RBFOX1: variants seen among roughly 807,000 people sequenced by gnomAD.
RBFOX1 encodes the protein RNA binding protein fox-1 homolog 1.
A neutral mutation model predicts 57.7 loss-of-function variants in RBFOX1; 8 were observed. The ratio of observed to expected loss-of-function variants is 0.14; its 90% CI spans 0.08 to 0.25. RBFOX1 has a LOEUF of 0.25. Ranked by LOEUF, RBFOX1 falls within the 10% of genes least tolerant of loss-of-function variation. RBFOX1 has a pLI of 1.00. For missense variants in RBFOX1, 611 were observed against 548.5 expected, an observed-to-expected ratio of 1.11 and a Z score of -1.14; for synonymous variants, 326 against 222.4, an observed-to-expected ratio of 1.47 and a Z score of -4.15.
At chr16:6,823,483 C>G (rs1471073639) in intron 3 of RBFOX1, among the ~76,000 whole-genome samples, 2 of 152,046 alleles carry the variant, frequency 1.3e-5, no homozygotes, top group African/African-American at 2.4e-5. Flanking sequence ...TCTCAAACTA[C>G]TGGTCTCAGG....
At chr16:6,127,375 A>C (rs905120555) in intron 1 of RBFOX1, among the ~76,000 whole-genome samples, 2 of 151,918 alleles carry the variant, frequency 1.3e-5, no homozygotes, top group Admixed American at 1.3e-4. Flanking sequence ...TTTTTTTAAA[A>C]ATTGCTCTCT....
chr16:6,901,391 G>C (rs1156473176), intron 3 of RBFOX1, among the ~76,000 whole-genome samples: 1 of 152,108 alleles, frequency 6.6e-6, no homozygotes, highest in Non-Finnish European at 1.5e-5. Context: ...AAGTGAACAG[G>C]ACGTTCCTAC....
At chr16:5,805,706 G>A (rs181632215) in intron 3 of RBFOX1, among the ~76,000 whole-genome samples, 2 of 152,306 alleles carry the variant, frequency 1.3e-5, no homozygotes, top group Non-Finnish European at 2.9e-5. Context: ...TATAGGAAGG[G>A]TTGCCTGACA....
At chr16:6,861,789 T>C (rs2059045433) in intron 3 of RBFOX1, among the ~76,000 whole-genome samples, 2 of 148,104 alleles carry the variant, frequency 1.4e-5, no homozygotes, top group Admixed American at 1.4e-4. Context: ...TCCACGTTCA[T>C]ACACTCCCCC....
intron 2 of RBFOX1, among the ~76,000 whole-genome samples, chr16:6,614,265 C>G (rs898181505): frequency 2.0e-5 from 3 of 152,122 alleles, no homozygotes; most frequent in Admixed American, 2.0e-4. Flanking sequence ...CAATAATAAA[C>G]TAAAGATAGA....
rs534838207 is a variant in RBFOX1 at position 5,524,031 on chromosome 16, C to T, written c.258+56777C>T. 4.6e-5 allele frequency among the ~76,000 whole-genome samples: 7 copies of T among 152,328 alleles called. No homozygotes were observed. The East Asian group carries it at 1.2e-3, about 25-fold the overall frequency. ...CATTCAAAGCTAGATAATCCGCCAG[C>T]ACCTCATAAACTGTGCTGTTTGCAA... On this transcript the variant is annotated intron_variant, in intron 2 of 2. Transcript: ENST00000585867.
At chr16:5,268,632 C>G (rs760909321) in intron 1 of RBFOX1, among the ~76,000 whole-genome samples, 10 of 152,202 alleles carry the variant, frequency 6.6e-5, no homozygotes, top group Non-Finnish European at 1.3e-4. Flanking sequence ...GCACTGGGAG[C>G]CATGTGCACT....
chr16:7,147,190 A>ATG (rs2075174525), intron 4 of RBFOX1, among the ~76,000 whole-genome samples: 1 of 148,854 alleles, frequency 6.7e-6, no homozygotes, highest in South Asian at 2.2e-4. Flanking sequence ...GTTTTAGCAG[A>ATG]GACAGGGTTT....
intron 14 of RBFOX1, among the ~76,000 whole-genome samples, chr16:7,699,334 G>A (rs932873114): frequency 6.6e-6 from 1 of 152,120 alleles, no homozygotes; most frequent in Non-Finnish European, 1.5e-5. Context: ...TGGGAGTACA[G>A]GCAGGTGCTA....
intron 3 of RBFOX1, among the ~76,000 whole-genome samples, chr16:6,908,175 A>T (rs9939267): frequency 6.6e-6 from 1 of 151,468 alleles, no homozygotes; most frequent in African/African-American, 2.4e-5. Flanking sequence ...CTGCATCCCT[A>T]CATCCGTGCA....
At chr16:6,766,450 G>C (rs1284166069) in intron 3 of RBFOX1, among the ~76,000 whole-genome samples, 2 of 152,072 alleles carry the variant, frequency 1.3e-5, no homozygotes, top group African/African-American at 4.8e-5. Flanking sequence ...TTCTAGTACA[G>C]TCACATGCCC....
intron 4 of RBFOX1, among the ~76,000 whole-genome samples, chr16:5,944,988 AGAGAGAGAG>A (rs1255324083): frequency 3.3e-5 from 2 of 61,342 alleles, no homozygotes; most frequent in African/African-American, 7.5e-5. Flanking sequence ...AAAAAAAAAA[AGAGAGAGAG>A]AGAGAGAGAA....
intron 3 of RBFOX1, among the ~76,000 whole-genome samples, chr16:5,675,653 G>T (rs113377935): frequency 1.3e-5 from 2 of 152,180 alleles, no homozygotes; most frequent in African/African-American, 4.8e-5. Context: ...CGTGCAGCCC[G>T]TGTGGCTGCT....
At chr16:5,575,798 G>T (rs1056855136) in intron 2 of RBFOX1, among the ~76,000 whole-genome samples, 10 of 151,946 alleles carry the variant, frequency 6.6e-5, no homozygotes, top group African/African-American at 2.4e-4. Context: ...CTCTTCTTGG[G>T]CTGGAATGTG....
At chr16:5,457,002 A>C (rs2068650655) in intron 1 of RBFOX1, among the ~76,000 whole-genome samples, 1 of 152,210 alleles carries the variant, frequency 6.6e-6, no homozygotes, top group African/African-American at 2.4e-5. Context: ...TTTATTTCAC[A>C]CAGTTCTAAA....
chr16:5,480,139 T>G (rs1231710029), intron 2 of RBFOX1, among the ~76,000 whole-genome samples: 2 of 152,192 alleles, frequency 1.3e-5, no homozygotes, highest in Non-Finnish European at 2.9e-5. Flanking sequence ...TATCTCAGAT[T>G]CACAGAATGA....
intron 4 of RBFOX1, among the ~76,000 whole-genome samples, chr16:7,380,471 T>C (rs1386025307): frequency 1.3e-5 from 2 of 152,240 alleles, no homozygotes; most frequent in African/African-American, 4.8e-5. Flanking sequence ...TTGGCACATA[T>C]AAATTATGTA....
At chr16:5,953,459 A>G (rs2059560149) in intron 4 of RBFOX1, among the ~76,000 whole-genome samples, 2 of 151,922 alleles carry the variant, frequency 1.3e-5, no homozygotes, top group South Asian at 4.2e-4. Context: ...TGTACGCTGC[A>G]CCCAGTTTGT....
intron 3 of RBFOX1, among the ~76,000 whole-genome samples, chr16:6,914,733 G>C (rs1376535503): frequency 6.6e-6 from 1 of 152,070 alleles, no homozygotes; most frequent in African/African-American, 2.4e-5. Flanking sequence ...AATTAACCTG[G>C]CATGGTGGTG....
Sources: gnomAD v4.1 joint callset for allele counts (sites outside exome capture counted in the v4.1 genomes callset) on GRCh38, gnomAD v4.1.1 for gene constraint, MANE v1.5 for transcripts, NCBI Gene and HGNC (gene_info 2026-07-23, HGNC 2026-07-21) for gene names.